PAPLN: variants seen among roughly 807,000 people sequenced by gnomAD.
PAPLN encodes papilin, proteoglycan like sulfated glycoprotein, also known as papilin.
A neutral mutation model predicts 159.0 loss-of-function variants in PAPLN; 146 were observed. The ratio of observed to expected loss-of-function variants is 0.92; its 90% CI spans 0.80 to 1.05. The LOEUF (loss-of-function observed/expected upper bound fraction) is 1.05. Ranked by LOEUF, PAPLN falls within the 50% of genes least tolerant of loss-of-function variation. The pLI is 0.00. For missense variants in PAPLN, 1,720 were observed against 1,743.9 expected (o/e 0.99, Z 0.24); for synonymous variants, 734 against 702.9 (o/e 1.04, Z -0.70).
At chr14:73,247,897 T>C (rs1884703889) in intron 5 of PAPLN, among the ~76,000 whole-genome samples, 3 of 34,300 alleles carry the variant, frequency 8.7e-5, no homozygotes, top group Non-Finnish European at 1.9e-4. Flanking sequence ...TCCGTGTGTG[T>C]GTGTGTGTGT....
chr14:73,238,139 A>G (rs1400053193), intron 1 of PAPLN, among the ~76,000 whole-genome samples: 1 of 152,118 alleles, frequency 6.6e-6, no homozygotes, highest in Non-Finnish European at 1.5e-5. Context: ...GGCCACGGGG[A>G]CGGGCGTCTG....
intron 1 of PAPLN, among the ~76,000 whole-genome samples, chr14:73,239,038 GACTGCACATGGACCCGCCCCGCAC>G (rs1465798044): frequency 6.6e-6 from 1 of 152,172 alleles, no homozygotes; most frequent in Admixed American, 6.5e-5. Flanking sequence ...GTACACACCA[GACTGCACATGGACCCGCCCCGCAC>G]ACTGCACATG....
At chr14:73,270,409 G>A (rs1244267783) in intron 26 of PAPLN, among the ~76,000 whole-genome samples, 2 of 152,210 alleles carry the variant, frequency 1.3e-5, no homozygotes, top group Middle Eastern at 3.2e-3. Flanking sequence ...CTCGGTGAAC[G>A]GGAGCGTTAA....
intron 11 of PAPLN, chr14:73,253,315 C>T (rs945592367): frequency 4.1e-6 from 5 of 1,218,994 alleles, no homozygotes; most frequent in East Asian, 5.1e-5. Context: ...GGGATGGTGG[C>T]GGACTTGGCT....
At chr14:73,257,325 T>C (rs1886024246) in intron 14 of PAPLN, among the ~76,000 whole-genome samples, 1 of 152,120 alleles carries the variant, frequency 6.6e-6, no homozygotes, top group Admixed American at 6.5e-5. Context: ...ATGCTTATTT[T>C]GGAAAATTTG....
At chr14:73,236,922 G>A (rs1465554964), upstream of PAPLN, among the ~76,000 whole-genome samples, 1 of 141,442 alleles carries the variant, frequency 7.1e-6, no homozygotes, top group African/African-American at 2.7e-5. Flanking sequence ...GGGAGGGAGG[G>A]AAAGAAAGAA....
intron 26 of PAPLN, among the ~76,000 whole-genome samples, chr14:73,270,206 G>T (rs1219219563): frequency 1.3e-5 from 2 of 152,224 alleles, no homozygotes; most frequent in African/African-American, 4.8e-5. Context: ...ACTTGGCCGG[G>T]CAGGCTGCGC....
Position 73,265,574 on chromosome 14 carries a change from C to G in PAPLN, c.3263+67C>G, listed in dbSNP as rs1887137212. ...GCCCCACCTTATCCTATGGAGGCCA[C>G]CGGGGAAGGGAGCTGCTAGCGCATG... On this transcript the variant is annotated intron_variant, in intron 23 of 26. Coordinates refer to ENST00000644200, the MANE Select transcript of PAPLN (RefSeq NM_001365906.3). This position sits in a 1 kb window ranked among gnomAD's most constrained non-coding sequence, Gnocchi z 4.1. The G allele has an allele frequency of 1.7e-5, 27 of 1,573,650 alleles. No homozygotes were observed. In the South Asian group the frequency reaches 3.0e-4, roughly 17 times the overall value.
Position 73,261,305 on chromosome 14 carries a change from AC to A in PAPLN, c.2245+16del. On this transcript the variant is annotated intron_variant, in intron 18 of 26. Transcript: ENST00000644200. Reference sequence around the variant, plus strand: ...GCCAGCCCAGCCATGGTGAGTGGACACCCCCTCTCCTCCTTCTCGATGGGTA... The same window carrying A: ...GCCAGCCCAGCCATGGTGAGTGGACACCCCTCTCCTCCTTCTCGATGGGTA... 6.2e-6 allele frequency: 10 copies of A among 1,610,034 alleles called. No homozygotes were observed. Among genetic ancestry groups the A allele is most frequent in the Non-Finnish European group, 8.5e-6 (10 of 1,178,434 alleles).
At chr14:73,246,581 C>T (rs1301595192) in intron 5 of PAPLN, among the ~76,000 whole-genome samples, 1 of 150,488 alleles carries the variant, frequency 6.6e-6, no homozygotes, top group African/African-American at 2.4e-5. Flanking sequence ...CGTTCTCTCT[C>T]GCTTGCTCTT....
In PAPLN at chr14:73,265,470, G is replaced by A. The variant is rs746465110; in HGVS notation, c.3226G>A (p.Glu1076Lys). The A allele has an allele frequency of 6.2e-6, 10 of 1,613,852 alleles. No individual in the cohort carries two copies. The highest frequency in any genetic ancestry group is 2.2e-5 in the South Asian group (2 of 91,090). ...CGAAGGCTTCCCGCCCCCAGCCATC[G>A]AGTGGCAGAGAGATGGGCAGCCTGT... ...RAEGFPPPAI[E>K]WQRDGQPVSS... Residue 1076 changes from glutamate to lysine, a missense_variant, in exon 23 of 27, where the codon GAG (glutamate) becomes AAG (lysine). Coordinates refer to ENST00000644200, the MANE Select transcript of PAPLN (RefSeq NM_001365906.3). This position sits in a 1 kb window ranked among gnomAD's most constrained non-coding sequence, Gnocchi z 4.1.
chr14:73,259,705 G>A (rs1021509738), intron 16 of PAPLN, among the ~76,000 whole-genome samples, 160 bp downstream of exon 16: 2 of 152,130 alleles, frequency 1.3e-5, no homozygotes, highest in African/African-American at 2.4e-5. Flanking sequence ...CTGAGCATGA[G>A]ATCTTGGGGA....
chr14:73,254,472 G>T (rs779091051), intron 12 of PAPLN, 41 bp from the exon 13 acceptor site: 1 of 1,604,274 alleles, frequency 6.2e-7, no homozygotes, highest in South Asian at 1.1e-5. Flanking sequence ...GTGGCTCCTG[G>T]GGGCAAGGCC....
chr14:73,253,393 A>C (rs1198409916), intron 11 of PAPLN, among the ~76,000 whole-genome samples: 1 of 152,224 alleles, frequency 6.6e-6, no homozygotes, highest in Non-Finnish European at 1.5e-5. Flanking sequence ...GAGCCGCTCC[A>C]CGCATGGGTG....
At chr14:73,253,028 G>A (rs1403405516) in intron 11 of PAPLN, 6 of 1,105,400 alleles carry the variant, frequency 5.4e-6, no homozygotes, top group Admixed American at 4.3e-5. Context: ...TGGCAGGAGG[G>A]TTGGAGAAGG....
chr14:73,239,701 C>T (rs1336998883), intron 1 of PAPLN, 72 bp from the exon 2 acceptor site: 2 of 1,531,662 alleles, frequency 1.3e-6, no homozygotes, highest in East Asian at 4.9e-5. Flanking sequence ...GAGACGCGCC[C>T]ACACACTCTC....
rs558242395 is a variant in PAPLN at position 73,272,257 on chromosome 14, G to A, written c.3668-238G>A. 344 of 386,422 alleles carry A rather than the reference G, an allele frequency of 8.9e-4. 2 individuals carry two copies. Among genetic ancestry groups the A allele is most frequent in the African/African-American group, 5.1e-4 (25 of 49,010 alleles). The allele number at this position is 386,422 out of a possible 1,614,324, so 23.9% of individuals were successfully genotyped here. ...AGGAAGAGCTATTCAGTGGGCTGAGGCCACAAATAATAATGGGAGGACCAC... is the reference window on the plus strand; with the variant it reads ...AGGAAGAGCTATTCAGTGGGCTGAGACCACAAATAATAATGGGAGGACCAC... On this transcript the variant is annotated intron_variant, in intron 26 of 26. Transcript: ENST00000644200.
At chr14:73,267,358 C>G (rs931764458) in intron 25 of PAPLN, among the ~76,000 whole-genome samples, 1 of 152,176 alleles carries the variant, frequency 6.6e-6, no homozygotes. Flanking sequence ...TCCTCCTTCC[C>G]TGTAATGTGT....
Position 73,259,355 on chromosome 14 carries a change from C to G in PAPLN, c.1795C>G (p.Gln599Glu), listed in dbSNP as rs933945596. 8 of 1,611,880 alleles carry G rather than the reference C, an allele frequency of 5.0e-6. No homozygotes were observed. Among genetic ancestry groups the G allele is most frequent in the Non-Finnish European group, 6.8e-6 (8 of 1,178,992 alleles). Residue 599 changes from glutamine (Q) to glutamate (E), a missense_variant, in exon 16 of 27, where the codon CAA becomes GAA. By Grantham distance (29) the Gln-to-Glu change is conservative. Coordinates refer to ENST00000644200, the MANE Select transcript of PAPLN (RefSeq NM_001365906.3). Reference sequence around the variant, plus strand: ...AGAACGAGGTGACCCCAGGGGCGACCAAGGCACCCACCTGTCAGCCCTGGG... The same window carrying G: ...AGAACGAGGTGACCCCAGGGGCGACGAAGGCACCCACCTGTCAGCCCTGGG... Reference protein sequence around the residue: ...RGERGDPRGDQGTHLSALGPA... With the variant: ...RGERGDPRGDEGTHLSALGPA...
Sources: gnomAD v4.1 joint callset for allele counts (sites outside exome capture counted in the v4.1 genomes callset) on GRCh38, gnomAD v4.1.1 for gene constraint, Gnocchi (gnomAD v3.1) non-coding constraint, MANE v1.5 for transcripts, NCBI Gene and HGNC (gene_info 2026-07-23, HGNC 2026-07-21) for gene names.